AASS: variants seen among roughly 807,000 people sequenced by gnomAD.
The protein encoded by AASS is aminoadipate-semialdehyde synthase, also known as alpha-aminoadipic semialdehyde synthase, mitochondrial.
In AASS, 86 loss-of-function variants were observed where a neutral mutation model predicts 105.4. That is an observed-to-expected ratio of 0.82 (90% CI 0.69 to 0.98). The LOEUF (loss-of-function observed/expected upper bound fraction) is 0.98, where lower values mean the gene tolerates loss of function less well. Ranked by LOEUF, AASS falls within the 50% of genes least tolerant of loss-of-function variation. AASS has a pLI of 0.00. For missense variants in AASS, 1,048 were observed against 1,143.2 expected (o/e 0.92, Z 1.20); for synonymous variants, 381 against 394.8 (o/e 0.96, Z 0.41).
At chr7:122,119,561 C>A (rs1795342665) in intron 4 of AASS, among the ~76,000 whole-genome samples, 2 of 152,170 alleles carry the variant, frequency 1.3e-5, no homozygotes, top group African/African-American at 4.8e-5. Context: ...TCCCCATCCT[C>A]ACCCCCAACA....
intron 18 of AASS, among the ~76,000 whole-genome samples, chr7:122,086,630 TTAAA>T (rs1377009205): frequency 4.0e-5 from 6 of 151,568 alleles, no homozygotes; most frequent in South Asian, 2.1e-4. Flanking sequence ...AAAAATAAAC[TTAAA>T]TAAGCTAAAA....
intron 13 of AASS, among the ~76,000 whole-genome samples, chr7:122,100,519 G>A (rs559516652): frequency 1.3e-4 from 19 of 151,956 alleles, no homozygotes; most frequent in Non-Finnish European, 2.2e-4. Flanking sequence ...ACTATAGTAC[G>A]CTTGATCTGG....
chr7:122,078,087 C>T (rs1793112460), intron 22 of AASS, 73 bp from the exon 23 acceptor site: 2 of 1,424,736 alleles, frequency 1.4e-6, no homozygotes, highest in Admixed American at 3.4e-5. Flanking sequence ...TCTCCTCCTG[C>T]CCTTCTGGTC....
intron 11 of AASS, among the ~76,000 whole-genome samples, chr7:122,102,805 C>T (rs571981660): frequency 6.6e-6 from 1 of 151,708 alleles, no homozygotes; most frequent in South Asian, 2.1e-4. Context: ...TCCAGAGCCT[C>T]GAGTCATCTC....
rs771702431 is a variant in AASS at position 122,091,788 on chromosome 7, T to C, written c.1931A>G (p.Asn644Ser). 1.2e-6 allele frequency: 2 copies of C among 1,613,400 alleles called. No homozygotes were observed. The highest frequency in any genetic ancestry group is 2.7e-5 in the African/African-American group (2 of 74,910). Residue 644 changes from asparagine (N) to serine (S), a missense_variant, in exon 18 of 24, where the codon AAT becomes AGT. Transcript: ENST00000417368. ...CCAGCTAAATTTATATCTCAATGGA[T>C]TGTTTGAATGTTCAGGGGCTGGAAG... is the stretch of plus-strand genomic sequence containing the variant. The part of the protein sequence containing the change: ...GGLPAPEHSN[N>S]PLRYKFSWSP...
In AASS at chr7:122,142,898, C is replaced by A. The variant is rs1360702625; in HGVS notation, c.-16+1263G>T. The stretch of plus-strand genomic sequence containing the variant: ...AAAAAAAATTCAATGACAAATAAAC[C>A]AAAGTTCTGATCACGCCATCATCAA... On this transcript the variant is annotated intron_variant, in intron 1 of 23. Coordinates refer to ENST00000417368, the MANE Select transcript of AASS (RefSeq NM_005763.4). Among the ~76,000 whole-genome samples the A allele has an allele frequency of 3.3e-5, 5 of 152,006 alleles. No individual in the cohort carries two copies. The East Asian group carries it at 9.6e-4, about 29-fold the overall frequency.
At chr7:122,108,340 T>C (rs1228859210) in intron 11 of AASS, among the ~76,000 whole-genome samples, 1 of 152,090 alleles carries the variant, frequency 6.6e-6, no homozygotes, top group African/African-American at 2.4e-5. Context: ...AGTGTTATTG[T>C]GATACCAAAA....
intron 17 of AASS, 85 bp downstream of exon 17, chr7:122,092,758 G>T: frequency 8.9e-7 from 1 of 1,125,930 alleles, no homozygotes; most frequent in Non-Finnish European, 1.4e-6. Context: ...GATTAAAGGT[G>T]TTGCTATATT....
chr7:122,087,844 C>A (rs915967503), intron 18 of AASS, among the ~76,000 whole-genome samples: 4 of 152,170 alleles, frequency 2.6e-5, no homozygotes, highest in African/African-American at 9.7e-5. Flanking sequence ...AATATTCTAG[C>A]TTACCAATCA....
chr7:122,092,942 A>C lies in AASS; in HGVS notation c.1776T>G (p.Asp592Glu). Residue 592 changes from aspartate to glutamate, a missense_variant, in exon 17 of 24, where the codon GAT (aspartate) becomes GAG (glutamate). Asp to Glu is a conservative substitution (Grantham distance 45). Transcript: ENST00000417368. The part of the protein sequence containing the change: ...ALKELEKSVE[D>E]AGITIIGELG... ...ATTCACCAATGATTGTGATGCCAGC[A>C]TCTTCCACACTGCAGCAGGTGGAAA... 1 of 1,613,926 alleles carries C rather than the reference A, an allele frequency of 6.2e-7. No homozygotes were observed. The highest frequency in any genetic ancestry group is 1.1e-5 in the South Asian group (1 of 91,088).
chr7:122,124,801 G>GTCA (rs1181062234), intron 4 of AASS, among the ~76,000 whole-genome samples: 1 of 152,152 alleles, frequency 6.6e-6, no homozygotes. Context: ...AGGAATCATA[G>GTCA]TCATCAGAGG....
intron 1 of AASS, among the ~76,000 whole-genome samples, chr7:122,139,857 C>T (rs1409013382): frequency 6.6e-6 from 1 of 152,036 alleles, no homozygotes; most frequent in Non-Finnish European, 1.5e-5. Context: ...GAGGCTGAAG[C>T]ATGAAAATCA....
chr7:122,112,911 A>C (rs547805113), intron 11 of AASS, among the ~76,000 whole-genome samples: 1 of 152,324 alleles, frequency 6.6e-6, no homozygotes, highest in South Asian at 2.1e-4. Flanking sequence ...GTAATTAAGC[A>C]TGAAGGCAGT....
chr7:122,138,213 A>T (rs1796240841), intron 1 of AASS, among the ~76,000 whole-genome samples: 1 of 152,210 alleles, frequency 6.6e-6, no homozygotes, highest in Admixed American at 6.5e-5. Context: ...AAATGTCTCT[A>T]AAAGTCATGG....
intron 4 of AASS, among the ~76,000 whole-genome samples, chr7:122,125,468 A>G (rs184948185): frequency 1.5e-4 from 23 of 152,280 alleles, no homozygotes; most frequent in African/African-American, 5.5e-4. Flanking sequence ...TGCCACAAGA[A>G]TACACCGAAC....
chr7:122,138,330 C>G (rs951178463), intron 1 of AASS, among the ~76,000 whole-genome samples: 1 of 152,088 alleles, frequency 6.6e-6, no homozygotes, highest in Non-Finnish European at 1.5e-5. Context: ...GTCCCAAACC[C>G]TATATATACT....
rs1052066761 is a variant in AASS, at chr7:122,075,189, A to G, written c.*1300T>C. On this transcript the variant is annotated 3_prime_UTR_variant, in exon 24 of 24. Transcript: ENST00000417368. ...AAGCTTGACCATTGTTGAAAATTAA[A>G]TTGTTTTCTTAACATCATTTTTGAT... Among the ~76,000 whole-genome samples the G allele has an allele frequency of 1.3e-5, 2 of 152,166 alleles. No homozygotes were observed. Among genetic ancestry groups the G allele is most frequent in the Admixed American group, 1.3e-4 (2 of 15,282 alleles).
chr7:122,094,286 C>T lies in AASS; in HGVS notation c.1656-1128G>A, dbSNP rs376280182. Among the ~76,000 whole-genome samples the T allele has an allele frequency of 3.4e-4, 52 of 152,140 alleles. No homozygotes were observed. In the East Asian group the frequency reaches 5.0e-3, roughly 15 times the overall value. ...ATAAATAAATATTCCCTTGGAAAGACGTGATCAATGACTCCCTGTGGGCCA... is the reference window on the plus strand; with the variant it reads ...ATAAATAAATATTCCCTTGGAAAGATGTGATCAATGACTCCCTGTGGGCCA... On this transcript the variant is annotated intron_variant, in intron 15 of 23. Coordinates refer to ENST00000417368, the MANE Select transcript of AASS (RefSeq NM_005763.4).
intron 1 of AASS, among the ~76,000 whole-genome samples, chr7:122,140,386 G>A (rs1463171242): frequency 6.7e-6 from 1 of 150,024 alleles, no homozygotes; most frequent in East Asian, 2.0e-4. Flanking sequence ...TCGGGAGACT[G>A]AGGCTGGAGA....
Sources: gnomAD v4.1 joint callset for allele counts (sites outside exome capture counted in the v4.1 genomes callset) on GRCh38, gnomAD v4.1.1 for gene constraint, MANE v1.5 for transcripts, NCBI Gene and HGNC (gene_info 2026-07-23, HGNC 2026-07-21) for gene names.